The following NF1 variants were observed in gnomAD, a reference collection of about 807,000 sequenced individuals.
The protein encoded by NF1 is neurofibromin.
A neutral mutation model predicts 325.7 loss-of-function variants in NF1; 122 were observed. That is an observed-to-expected ratio of 0.37 (90% CI 0.32 to 0.44). The LOEUF (loss-of-function observed/expected upper bound fraction) is 0.44, where lower values mean the gene tolerates loss of function less well. Among genes scored for constraint, NF1 ranks in the 20% least tolerant of loss-of-function variants. The pLI is 1.00. For synonymous variants in NF1, 1,091 were observed against 1,186.0 expected, an observed-to-expected ratio of 0.92 and a Z score of 1.65; for missense variants, 2,140 against 3,415.4, an observed-to-expected ratio of 0.63 and a Z score of 9.31.
At chr17:31,209,563 A>G (rs1161813814) in intron 12 of NF1, among the ~76,000 whole-genome samples, 2 of 152,256 alleles carry the variant, frequency 1.3e-5, no homozygotes, top group African/African-American at 2.4e-5. Flanking sequence ...GAATAAGGTT[A>G]TTCTGTACTC....
chr17:31,271,257 A>G (rs2151475961), intron 36 of NF1, among the ~76,000 whole-genome samples: 1 of 152,366 alleles, frequency 6.6e-6, no homozygotes, highest in African/African-American at 2.4e-5. Context: ...AACATAAGAC[A>G]AGAGTGTACT....
At position 31,273,399 on chromosome 17, in the gene NF1, G is replaced by A. The variant is rs556970874; in HGVS notation, c.4835+8060G>A. 5.3e-5 allele frequency among the ~76,000 whole-genome samples: 8 copies of A among 152,190 alleles called. No homozygotes were observed. In the East Asian group the frequency reaches 1.5e-3, roughly 29 times the overall value. On this transcript the variant is annotated intron_variant, in intron 36 of 57. Transcript: ENST00000358273. ...TGAACAAAACCAACTCCTTCATTTT[G>A]CAAATGGGCTCAGACAAGGGGCATA...
chr17:31,231,666 A>G (rs1289138817), intron 24 of NF1, among the ~76,000 whole-genome samples: 5 of 152,196 alleles, frequency 3.3e-5, no homozygotes, highest in Non-Finnish European at 7.3e-5. Context: ...TTGTTATACC[A>G]TATTGTTTAG....
chr17:31,163,420 A>G (rs561011354), intron 4 of NF1, 44 bp downstream of exon 4: 2 of 1,583,548 alleles, frequency 1.3e-6, no homozygotes, highest in Middle Eastern at 1.7e-4. Flanking sequence ...TAATATGAAT[A>G]TTAGAAGTTT....
Position 31,295,422 on chromosome 17 carries a change from G to A in NF1, c.4835+30083G>A, listed in dbSNP as rs1344215767. On this transcript the variant is annotated intron_variant, in intron 36 of 57. Transcript: ENST00000358273. ...GTTTCCTTTGTTCGATATTGTTTGGGTATTTTGGTCACTTTGGGTTGAGTT... is the reference window on the plus strand; with the variant it reads ...GTTTCCTTTGTTCGATATTGTTTGGATATTTTGGTCACTTTGGGTTGAGTT... The A allele has an allele frequency of 3.1e-6, 5 of 1,614,086 alleles. No individual in the cohort carries two copies. In the South Asian group the frequency reaches 4.4e-5, roughly 14 times the overall value.
At chr17:31,161,806 C>T (rs2065765255) in intron 3 of NF1, among the ~76,000 whole-genome samples, 1 of 151,448 alleles carries the variant, frequency 6.6e-6, no homozygotes, top group South Asian at 2.1e-4. Flanking sequence ...GAGATCGAGA[C>T]AGGCGGAGAG....
At chr17:31,175,250 G>T (rs2066000160) in intron 5 of NF1, among the ~76,000 whole-genome samples, 2 of 151,426 alleles carry the variant, frequency 1.3e-5, no homozygotes, top group South Asian at 2.1e-4. Context: ...AGGAAAAGTG[G>T]TAGAAGTAAA....
In NF1 at chr17:31,336,363, A is replaced by G. The variant is rs876658710; in HGVS notation, c.6037A>G (p.Ser2013Gly). 2 of 1,614,112 alleles carry G rather than the reference A, an allele frequency of 1.2e-6. No individual in the cohort carries two copies. The highest frequency in any genetic ancestry group is 1.7e-6 in the Non-Finnish European group (2 of 1,179,992). The part of the protein sequence containing the change: ...ITDLLDVVLD[S>G]FIKTSATGGL... ...AGATCTGCTTGATGTTGTACTAGACAGTTTCATCAAAACCAGTGCAACAGG... is the reference window on the plus strand; with the variant it reads ...AGATCTGCTTGATGTTGTACTAGACGGTTTCATCAAAACCAGTGCAACAGG... Residue 2013 changes from serine (S) to glycine (G), a missense_variant, in exon 41 of 58, where the codon AGT (serine) becomes GGT (glycine). This residue lies in a region of NF1 where 180 missense variants were observed against 435.1 expected (regional missense o/e 0.41). Transcript: ENST00000358273. This position sits in a 1 kb window ranked among gnomAD's most constrained non-coding sequence, Gnocchi z 5.5.
At chr17:31,342,399 A>G (rs1277449022) in intron 47 of NF1, among the ~76,000 whole-genome samples, 1 of 152,084 alleles carries the variant, frequency 6.6e-6, no homozygotes, top group Non-Finnish European at 1.5e-5. Context: ...GGAGTTCGAG[A>G]CCAGCCTGGC....
intron 1 of NF1, among the ~76,000 whole-genome samples, chr17:31,095,854 G>A (rs1285781061): frequency 2.6e-5 from 4 of 152,012 alleles, no homozygotes; most frequent in Non-Finnish European, 5.9e-5. Context: ...ATAGGAGAAC[G>A]ATAACATTCC....
At chr17:31,346,781 C>G (rs1443517688) in intron 48 of NF1, among the ~76,000 whole-genome samples, 1 of 148,654 alleles carries the variant, frequency 6.7e-6, no homozygotes, top group Non-Finnish European at 1.5e-5. Flanking sequence ...TCCATAGAGT[C>G]TCTCCTTTTC....
intron 36 of NF1, chr17:31,296,234 G>C (rs1296918986): frequency 6.2e-7 from 1 of 1,614,086 alleles, no homozygotes. Context: ...GTGCCTCTCT[G>C]TGCATATACA....
intron 1 of NF1, among the ~76,000 whole-genome samples, chr17:31,110,282 A>G (rs1201249091): frequency 6.6e-6 from 1 of 152,224 alleles, no homozygotes; most frequent in African/African-American, 2.4e-5. Flanking sequence ...TATGGATGTA[A>G]TGAGGACTAG....
chr17:31,269,112 C>T (rs1029265112), intron 36 of NF1, among the ~76,000 whole-genome samples: 4 of 152,058 alleles, frequency 2.6e-5, no homozygotes, highest in Non-Finnish European at 5.9e-5. Flanking sequence ...AACTCTGTGT[C>T]TTACCTATAC....
rs1598174166 is a variant in NF1, at chr17:31,095,451, C to T, written c.60+82C>T. 9 of 1,357,690 alleles carry T rather than the reference C, an allele frequency of 6.6e-6. No homozygotes were observed. The South Asian group carries it at 9.4e-5, about 14-fold the overall frequency. 84.1% of individuals were successfully genotyped at this position (1,357,690 alleles called of 1,614,324 possible). On this transcript the variant is annotated intron_variant, in intron 1 of 57. Transcript: ENST00000358273. ...GGTGAGGGGAGGTAGGAGCGGCCGC[C>T]TCCCCCGCGGCTGCCTCAGGCTCTG...
At chr17:31,119,518 G>A (rs571491526) in intron 1 of NF1, among the ~76,000 whole-genome samples, 35 of 151,478 alleles carry the variant, frequency 2.3e-4, no homozygotes, top group Middle Eastern at 3.4e-3. Flanking sequence ...TTAGCCCTTG[G>A]TCAGATGGAG....
At chr17:31,313,551 A>C (rs567301243) in intron 36 of NF1, among the ~76,000 whole-genome samples, 43 of 151,822 alleles carry the variant, frequency 2.8e-4, no homozygotes, top group Non-Finnish European at 5.6e-4. Context: ...TAAAAATACA[A>C]AAAAATTAGC....
In NF1 at chr17:31,097,396, T is replaced by G. The variant is rs560168288; in HGVS notation, c.60+2027T>G. On this transcript the variant is annotated intron_variant, in intron 1 of 57. Coordinates refer to ENST00000358273, the MANE Select transcript of NF1 (RefSeq NM_001042492.3). ...TTGCTTGAATCCGGGAGGTGGAGGTTGCAGTGAGCTGAGATCACACCACTG... is the reference window on the plus strand; with the variant it reads ...TTGCTTGAATCCGGGAGGTGGAGGTGGCAGTGAGCTGAGATCACACCACTG... Among the ~76,000 whole-genome samples, 8 of 147,996 alleles carry G rather than the reference T, an allele frequency of 5.4e-5. No individual in the cohort carries two copies. In the South Asian group the frequency reaches 1.7e-3, roughly 32 times the overall value.
chr17:31,117,096 C>T (rs912331150), intron 1 of NF1, among the ~76,000 whole-genome samples: 1 of 152,050 alleles, frequency 6.6e-6, no homozygotes, highest in African/African-American at 2.4e-5. Flanking sequence ...ATTCTCCTGC[C>T]TCAGCCTTTG....
Sources: gnomAD v4.1 joint callset for allele counts (sites outside exome capture counted in the v4.1 genomes callset) on GRCh38, gnomAD v4.1.1 for gene constraint, gnomAD v4.1.1 regional missense constraint, Gnocchi (gnomAD v3.1) non-coding constraint, MANE v1.5 for transcripts, NCBI Gene and HGNC (gene_info 2026-07-23, HGNC 2026-07-21) for gene names.